The following MAP7D2 variants were observed in gnomAD, a reference collection of about 807,000 sequenced individuals.
MAP7D2 encodes the protein MAP7 domain-containing protein 2.
MAP7D2 carries 33 observed loss-of-function variants against 63.5 expected under a neutral mutation model. The ratio of observed to expected loss-of-function variants is 0.52; its 90% confidence interval spans 0.39 to 0.70. The LOEUF is 0.70. Among genes scored for constraint, MAP7D2 ranks in the 30% least tolerant of loss-of-function variants. MAP7D2 has a pLI of 0.00. For synonymous variants in MAP7D2, 224 were observed against 223.7 expected (o/e 1.00, Z -0.01); for missense variants, 626 against 604.0 (o/e 1.04, Z -0.38).
chrX:20,058,950 C>G (rs1013644593), intron 3 of MAP7D2, among the ~76,000 whole-genome samples: 3 of 111,806 alleles, frequency 2.7e-5, no homozygotes, highest in African/African-American at 9.7e-5. Flanking sequence ...GAAAGGATCT[C>G]AGATTTGGAA....
At chrX:20,023,312 G>A (rs2073720337) in intron 10 of MAP7D2, among the ~76,000 whole-genome samples, 1 of 112,811 alleles carries the variant, frequency 8.9e-6, no homozygotes, top group African/African-American at 3.2e-5. Context: ...GGATGGCAGG[G>A]ACACTGGCAG....
At chrX:20,102,269 A>G (rs1328610283) in intron 1 of MAP7D2, among the ~76,000 whole-genome samples, 1 of 111,808 alleles carries the variant, frequency 8.9e-6, no homozygotes, top group African/African-American at 3.3e-5. Flanking sequence ...AGAAGGGAAA[A>G]AACCATCAAA....
rs1256303142 is a variant in MAP7D2 at position 20,093,656 on chromosome X, C to CA, written c.130+23093dup. ...TGGGTGACAGAGTGAGACTCCATCTCAAAAAAAAATAAAAATAAAAATAAA... is the reference window on the plus strand; with the variant it reads ...TGGGTGACAGAGTGAGACTCCATCTCAAAAAAAAAATAAAAATAAAAATAAA... On this transcript the variant is annotated intron_variant, in intron 1 of 16. Coordinates refer to ENST00000379643, the MANE Select transcript of MAP7D2 (RefSeq NM_001168465.2). Among the ~76,000 whole-genome samples the CA allele has an allele frequency of 1.5e-4, 16 of 105,640 alleles. No homozygotes were observed. In the East Asian group the frequency reaches 2.6e-3, roughly 17 times the overall value. The allele number at this position is 105,640 out of a possible 115,157, so 91.7% of individuals were successfully genotyped here.
chrX:20,095,257 G>A (rs1411916835), intron 1 of MAP7D2, among the ~76,000 whole-genome samples: 1 of 111,941 alleles, frequency 8.9e-6, no homozygotes, highest in East Asian at 2.8e-4. Flanking sequence ...TCAGGGCCAA[G>A]GCCACACACA....
intron 6 of MAP7D2, among the ~76,000 whole-genome samples, chrX:20,050,551 T>TG (rs2064919619): frequency 8.9e-6 from 1 of 111,922 alleles, no homozygotes; most frequent in Non-Finnish European, 1.9e-5. Flanking sequence ...ACACCGTCTC[T>TG]TAAGAAAAGT....
rs774158690 is a variant in MAP7D2 at position 20,077,868 on chromosome X, A to G, written c.131-13063T>C. Among the ~76,000 whole-genome samples the G allele has an allele frequency of 6.2e-5, 7 of 112,470 alleles. No homozygotes were observed. In the East Asian group the frequency reaches 1.9e-3, roughly 31 times the overall value. On this transcript the variant is annotated intron_variant, in intron 1 of 16. Transcript: ENST00000379643. ...TCATTTCTCATCTTCTGCAAAGAGT[A>G]TATCAGTTACCAATCACTGTTTGTT...
chrX:20,047,826 A>G (rs1157379279), intron 6 of MAP7D2, among the ~76,000 whole-genome samples: 3 of 102,546 alleles, frequency 2.9e-5, no homozygotes, highest in African/African-American at 7.6e-5. Context: ...TGTCTCCAAA[A>G]TAAATAAATA....
intron 1 of MAP7D2, among the ~76,000 whole-genome samples, chrX:20,065,917 C>CTT (rs11323432): frequency 2.2e-5 from 2 of 92,288 alleles, no homozygotes; most frequent in Non-Finnish European, 4.2e-5. Flanking sequence ...GCACACCATT[C>CTT]TTTTTTTTTT....
At chrX:20,065,858 C>T (rs1276304612) in intron 1 of MAP7D2, among the ~76,000 whole-genome samples, 1 of 111,607 alleles carries the variant, frequency 9.0e-6, no homozygotes, top group African/African-American at 3.3e-5. Context: ...AAATAATTTA[C>T]TGCACTCTGT....
chrX:20,081,085 T>C (rs983613417), intron 1 of MAP7D2, among the ~76,000 whole-genome samples: 13 of 112,105 alleles, frequency 1.2e-4, no homozygotes, highest in African/African-American at 3.9e-4. Context: ...TAGAAGCTTG[T>C]TGCTTTTTCT....
At chrX:20,108,356 TC>T (rs1354725816) in intron 1 of MAP7D2, among the ~76,000 whole-genome samples, 1 of 109,974 alleles carries the variant, frequency 9.1e-6, no homozygotes, top group Non-Finnish European at 1.9e-5. Flanking sequence ...TGCCGCCGCT[TC>T]CCGAGTAACT....
At chrX:20,071,587 C>T (rs949188512) in intron 1 of MAP7D2, among the ~76,000 whole-genome samples, 1 of 111,970 alleles carries the variant, frequency 8.9e-6, no homozygotes, top group East Asian at 2.8e-4. Flanking sequence ...AGGGCCCACA[C>T]CTTGAGAACC....
intron 1 of MAP7D2, among the ~76,000 whole-genome samples, chrX:20,112,497 C>T (rs1057446799): frequency 3.6e-5 from 4 of 111,520 alleles, no homozygotes; most frequent in Non-Finnish European, 7.5e-5. Context: ...CAGAGGCAGA[C>T]GAGGCGGGAT....
At chrX:20,032,766 T>C (rs1350609500) in intron 8 of MAP7D2, among the ~76,000 whole-genome samples, 1 of 111,949 alleles carries the variant, frequency 8.9e-6, no homozygotes, top group Non-Finnish European at 1.9e-5. Context: ...CTCCATCCCA[T>C]TGAATCTAGG....
Position 20,076,588 on chromosome X carries a change from C to A in MAP7D2, c.131-11783G>T, listed in dbSNP as rs756435450. ...GTGGTGGCGTGCACCGTAATCCCAG[C>A]TACTTGGGAGGCTGAGGCAGGAGAA... On this transcript the variant is annotated intron_variant, in intron 1 of 16. Transcript: ENST00000379643. 2.7e-5 allele frequency among the ~76,000 whole-genome samples: 3 copies of A among 109,830 alleles called. No homozygotes were observed. In the East Asian group the frequency reaches 8.6e-4, roughly 31 times the overall value.
At chrX:20,047,823 AAAAT>A (rs765329236) in intron 6 of MAP7D2, among the ~76,000 whole-genome samples, 5 of 105,410 alleles carry the variant, frequency 4.7e-5, no homozygotes, top group East Asian at 2.9e-4. Context: ...CCTTGTCTCC[AAAAT>A]AAATAAATAA....
At chrX:20,071,763 T>C (rs2065507405) in intron 1 of MAP7D2, among the ~76,000 whole-genome samples, 1 of 112,575 alleles carries the variant, frequency 8.9e-6, no homozygotes, top group Non-Finnish European at 1.9e-5. Flanking sequence ...GTTACTGTCC[T>C]ACATGCTACT....
At position 20,045,837 on chromosome X, in the gene MAP7D2, C is replaced by A. The variant is rs377327870; in HGVS notation, c.719-1313G>T. Among the ~76,000 whole-genome samples, 20 of 111,510 alleles carry A rather than the reference C, an allele frequency of 1.8e-4. No homozygotes were observed. The South Asian group carries it at 3.4e-3, about 19-fold the overall frequency. ...TGTTTTGAGAGGTAAAAGTGACCTA[C>A]GGAATTTAAAGATGACCAATACAGC... On this transcript the variant is annotated intron_variant, in intron 6 of 16. Coordinates refer to ENST00000379643, the MANE Select transcript of MAP7D2 (RefSeq NM_001168465.2).
At chrX:20,028,275 C>A (rs1243793766) in intron 8 of MAP7D2, among the ~76,000 whole-genome samples, 1 of 111,931 alleles carries the variant, frequency 8.9e-6, no homozygotes, top group African/African-American at 3.3e-5. Context: ...GTGTTGCCAG[C>A]GCAGCTAAGT....
Sources: gnomAD v4.1 joint callset for allele counts (sites outside exome capture counted in the v4.1 genomes callset) on GRCh38, gnomAD v4.1.1 for gene constraint, MANE v1.5 for transcripts, NCBI Gene and HGNC (gene_info 2026-07-23, HGNC 2026-07-21) for gene names.